The following ESRRG variants were observed in gnomAD, a reference collection of about 807,000 sequenced individuals.
ESRRG encodes estrogen related receptor gamma, also known as estrogen-related receptor gamma.
A neutral mutation model predicts 44.0 loss-of-function variants in ESRRG; 13 were observed. The ratio of observed to expected loss-of-function variants is 0.30; its 90% confidence interval spans 0.19 to 0.47. The LOEUF (loss-of-function observed/expected upper bound fraction) is 0.47. ESRRG is among the 20% of genes least tolerant of loss of function. ESRRG has a pLI of 1.00. For missense variants in ESRRG, 395 were observed against 580.6 expected, an observed-to-expected ratio of 0.68 and a Z score of 3.29; for synonymous variants, 215 against 214.6, an observed-to-expected ratio of 1.00 and a Z score of -0.02.
intron 1 of ESRRG, among the ~76,000 whole-genome samples, chr1:216,954,169 G>A (rs971277763): frequency 2.6e-5 from 4 of 151,914 alleles, no homozygotes; most frequent in African/African-American, 9.7e-5. Context: ...TAGATTATGA[G>A]ATAATGGACT....
intron 2 of ESRRG, among the ~76,000 whole-genome samples, chr1:216,905,064 A>G (rs2149519672): frequency 6.6e-6 from 1 of 152,298 alleles, no homozygotes; most frequent in South Asian, 2.1e-4. Flanking sequence ...TACTGTATGT[A>G]AGGAAAGATT....
intron 1 of ESRRG, among the ~76,000 whole-genome samples, chr1:217,052,028 G>C (rs1003970203): frequency 2.6e-5 from 4 of 152,014 alleles, no homozygotes; most frequent in Admixed American, 6.6e-5. Context: ...ACCTCAGCCT[G>C]CTAAGTTGCC....
chr1:217,076,673 T>C, intron 1 of ESRRG, among the ~76,000 whole-genome samples: 1 of 152,162 alleles, frequency 6.6e-6, no homozygotes, highest in Non-Finnish European at 1.5e-5. Flanking sequence ...TACGAATTAA[T>C]CTGGAGACAG....
chr1:216,577,905 A>G (rs777750173), intron 3 of ESRRG, among the ~76,000 whole-genome samples: 1 of 152,062 alleles, frequency 6.6e-6, no homozygotes, highest in African/African-American at 2.4e-5. Context: ...AGAGGAACTT[A>G]TGGAAATTCT....
intron 2 of ESRRG, among the ~76,000 whole-genome samples, chr1:216,895,199 GA>G (rs1180637903): frequency 3.3e-5 from 5 of 152,278 alleles, no homozygotes; most frequent in African/African-American, 1.2e-4. Flanking sequence ...CACTGTGAAT[GA>G]AATACTGTTG....
At chr1:216,954,761 G>A (rs570912431) in intron 1 of ESRRG, among the ~76,000 whole-genome samples, 43 of 152,218 alleles carry the variant, frequency 2.8e-4, no homozygotes, top group African/African-American at 9.9e-4. Flanking sequence ...TAAGACACTT[G>A]CCAGCTGACA....
chr1:217,024,449 G>A (rs190056096), intron 1 of ESRRG, among the ~76,000 whole-genome samples: 1 of 151,634 alleles, frequency 6.6e-6, no homozygotes, highest in Admixed American at 6.6e-5. Flanking sequence ...CACCAGAGAA[G>A]TTAGTGCCAA....
In ESRRG at chr1:216,919,217, C is replaced by G. The variant is rs12063155; in HGVS notation, c.-14+20365G>C. Among the ~76,000 whole-genome samples the G allele has an allele frequency of 4.5e-3, 690 of 152,198 alleles. 7 individuals are homozygous for G. The highest frequency in any genetic ancestry group is 0.016 in the African/African-American group (662 of 41,532). ...GGGAGGCCTCACGTGCTCATTGGCT[C>G]TGGTTTCATGCTCTTTCTCCTAGAG... On this transcript the variant is annotated intron_variant, in intron 2 of 7. Coordinates refer to the ESRRG transcript ENST00000359162.
At chr1:216,537,104 G>A (rs1297358034) in intron 5 of ESRRG, among the ~76,000 whole-genome samples, 2 of 151,972 alleles carry the variant, frequency 1.3e-5, no homozygotes, top group Admixed American at 1.3e-4. Flanking sequence ...ATTCTTAGTT[G>A]AAATCCTATC....
At chr1:217,090,636 G>A (rs916194161), upstream of ESRRG, 1 of 152,166 alleles carries the variant, frequency 6.6e-6, no homozygotes, top group African/African-American at 2.4e-5. Flanking sequence ...AAGAAAGAGC[G>A]AGAGACAAAT....
At chr1:216,810,787 TTAAC>T (rs908305799) in intron 2 of ESRRG, among the ~76,000 whole-genome samples, 3 of 148,150 alleles carry the variant, frequency 2.0e-5, no homozygotes, top group African/African-American at 7.4e-5. Context: ...ACATGTATAT[TTAAC>T]TAATATATAT....
chr1:216,786,899 C>T (rs761864595), intron 2 of ESRRG, among the ~76,000 whole-genome samples: 1 of 152,120 alleles, frequency 6.6e-6, no homozygotes, highest in Non-Finnish European at 1.5e-5. Context: ...TTATAAGTGA[C>T]ATACATAACA....
chr1:216,524,992 C>G (rs745861065), intron 5 of ESRRG, among the ~76,000 whole-genome samples: 47 of 152,108 alleles, frequency 3.1e-4, no homozygotes, highest in Non-Finnish European at 5.7e-4. Flanking sequence ...CATAAACAAC[C>G]AAATGAGTTT....
At chr1:217,066,348 G>A (rs1460402356) in intron 1 of ESRRG, among the ~76,000 whole-genome samples, 3 of 137,440 alleles carry the variant, frequency 2.2e-5, no homozygotes, top group Admixed American at 7.3e-5. Flanking sequence ...TCCGCCTCCC[G>A]GGTTCACGCC....
chr1:216,871,179 T>A (rs1178865667), intron 2 of ESRRG, among the ~76,000 whole-genome samples: 3 of 152,052 alleles, frequency 2.0e-5, no homozygotes, highest in Non-Finnish European at 4.4e-5. Context: ...TTTTAATATG[T>A]GCATTTTCAT....
intron 1 of ESRRG, among the ~76,000 whole-genome samples, chr1:217,045,978 G>A (rs906396358): frequency 3.9e-5 from 6 of 151,916 alleles, no homozygotes; most frequent in African/African-American, 1.4e-4. Context: ...CCATTTGGGA[G>A]CAGAAGAAAA....
chr1:216,946,995 C>A (rs2066166312), intron 1 of ESRRG, among the ~76,000 whole-genome samples: 1 of 152,176 alleles, frequency 6.6e-6, no homozygotes. Context: ...CCACACCCAG[C>A]CTGATTTCTT....
At chr1:216,623,077 C>CT (rs370657704) in intron 3 of ESRRG, among the ~76,000 whole-genome samples, 57,339 of 88,386 alleles carry the variant, frequency 0.65, 20,750 homozygotes, top group South Asian at 0.81. Context: ...AATCATTAAA[C>CT]TTTTTTTTTT....
intron 1 of ESRRG, among the ~76,000 whole-genome samples, chr1:217,057,558 A>C (rs546500364): frequency 6.6e-6 from 1 of 152,236 alleles, no homozygotes; most frequent in East Asian, 1.9e-4. Flanking sequence ...GGGAGACAGG[A>C]CTGAAAAAAA....
Sources: allele counts gnomAD v4.1 joint callset (sites outside exome capture counted in the v4.1 genomes callset), GRCh38; gene constraint gnomAD v4.1.1; transcripts MANE v1.5; gene names NCBI Gene and HGNC (gene_info 2026-07-23, HGNC 2026-07-21).